Variants in IWS1 observed in about 807,000 individuals in gnomAD.
IWS1 encodes the protein interacts with SUPT6H, CTD assembly factor 1, also known as protein IWS1 homolog.
Under a neutral mutation model 86.7 loss-of-function variants are expected in IWS1, and 27 were observed. The ratio of observed to expected loss-of-function variants is 0.31; its 90% CI spans 0.23 to 0.43. The LOEUF (loss-of-function observed/expected upper bound fraction) is 0.43. Ranked by LOEUF, IWS1 falls within the 20% of genes least tolerant of loss-of-function variation. IWS1 has a pLI of 1.00. For missense variants in IWS1, 827 were observed against 1,000.8 expected, an observed-to-expected ratio of 0.83 and a Z score of 2.34; for synonymous variants, 313 against 335.1, an observed-to-expected ratio of 0.93 and a Z score of 0.72.
At chr2:127,520,226 T>C (rs1692017845) in intron 2 of IWS1, among the ~76,000 whole-genome samples, 1 of 152,160 alleles carries the variant, frequency 6.6e-6, no homozygotes, top group Non-Finnish European at 1.5e-5. Context: ...TGGAGTGCAG[T>C]GGTGTGATCT....
At chr2:127,520,335 A>ATTTTTTTTT (rs1692025104) in intron 2 of IWS1, among the ~76,000 whole-genome samples, 1 of 151,964 alleles carries the variant, frequency 6.6e-6, no homozygotes, top group African/African-American at 2.4e-5. Flanking sequence ...TGCCTGGCTA[A>ATTTTTTTTT]TTTTTGTATT....
At position 127,498,238 on chromosome 2, in the gene IWS1, C is replaced by G; in HGVS notation, c.1468-1G>C. ...CTTCCAGATCTTCTTGGTTAAAACC[C>G]TAAATGCAAAATTATCACAACCTCC... On this transcript the variant is annotated splice_acceptor_variant, in intron 5 of 13. Coordinates refer to ENST00000295321, the MANE Select transcript of IWS1 (RefSeq NM_017969.3). LOFTEE classifies it high-confidence loss of function. The G allele has an allele frequency of 6.2e-7, 1 of 1,602,830 alleles. No homozygotes were observed. The highest frequency in any genetic ancestry group is 8.5e-7 in the Non-Finnish European group (1 of 1,171,202).
intron 13 of IWS1, among the ~76,000 whole-genome samples, chr2:127,481,668 G>A (rs956261497): frequency 6.6e-6 from 1 of 152,156 alleles, no homozygotes; most frequent in African/African-American, 2.4e-5. Context: ...AAACCCCTAA[G>A]TGCAGGAGCT....
intron 2 of IWS1, 129 bp downstream of exon 2, chr2:127,523,547 A>C (rs1411076584): frequency 8.0e-5 from 49 of 613,502 alleles, no homozygotes; most frequent in Non-Finnish European, 1.4e-5. Context: ...TTTTCTATTA[A>C]CTTATGCTCC....
upstream of IWS1, chr2:127,526,531 C>T: frequency 6.8e-7 from 1 of 1,462,012 alleles, no homozygotes; most frequent in Admixed American, 2.1e-5. Flanking sequence ...GGCGCCGCAA[C>T]CCGTCAACCG....
intron 2 of IWS1, among the ~76,000 whole-genome samples, chr2:127,509,111 T>G: frequency 6.6e-6 from 1 of 152,204 alleles, no homozygotes; most frequent in Admixed American, 6.5e-5. Flanking sequence ...ACTAGTTTAA[T>G]AGACTCGAGC....
At chr2:127,498,067 C>CA in intron 6 of IWS1, 73 bp downstream of exon 6, 1 of 1,194,284 alleles carries the variant, frequency 8.4e-7, no homozygotes, top group Non-Finnish European at 1.2e-6. Flanking sequence ...AAATGAAAAA[C>CA]AAAAGAGAGT....
chr2:127,494,073 C>G (rs1690380027), intron 8 of IWS1, among the ~76,000 whole-genome samples: 1 of 149,004 alleles, frequency 6.7e-6, no homozygotes, highest in East Asian at 1.9e-4. Context: ...TGGCTTAGTT[C>G]AAAGAGAAAG....
chr2:127,484,624 T>TA (rs1287316347), intron 13 of IWS1: 2 of 152,230 alleles, frequency 1.3e-5, no homozygotes, highest in Non-Finnish European at 2.9e-5. Context: ...TAAGAGTTTT[T>TA]ATTACCTATT....
chr2:127,493,178 G>GT (rs1690322886), intron 9 of IWS1, 103 bp downstream of exon 9: 1 of 1,044,676 alleles, frequency 9.6e-7, no homozygotes, highest in Non-Finnish European at 1.3e-6. Context: ...CTGGCAGGCT[G>GT]TAGCAGAGAT....
rs1449359658 is a variant in IWS1, at chr2:127,526,397, G to A, written c.-189C>T. The A allele has an allele frequency of 3.3e-6, 5 of 1,536,170 alleles. No individual in the cohort carries two copies. Among genetic ancestry groups the A allele is most frequent in the Admixed American group, 2.0e-5 (1 of 50,980 alleles). ...AATTCTTTGACCTGGAAGCCCCGGC[G>A]GAAAAGGCCGTACCCGGCAGGCTGG... On this transcript the variant is annotated 5_prime_UTR_variant, in exon 1 of 14. Transcript: ENST00000295321.
In IWS1 at chr2:127,486,567, T is replaced by C; in HGVS notation, c.2314A>G (p.Met772Val). ...CGCTTGCTTACCCTGGATGACTCCA[T>C]TTCCACATTCCATTTGGGCCTGACA... ...YVVRPKWNVE[M>V]ESSRFQATSK... Residue 772 changes from methionine (M) to valine (V), a missense_variant, in exon 13 of 14, where the codon ATG becomes GTG. Physicochemically the swap from Met to Val is conservative, Grantham distance 21 (BLOSUM62 1). Around this residue, in one of 2 missense-constraint regions of IWS1, gnomAD observed 279 missense variants for 440.6 expected, o/e 0.63. Coordinates refer to ENST00000295321, the MANE Select transcript of IWS1 (RefSeq NM_017969.3). 6.2e-7 allele frequency: 1 copy of C among 1,613,592 alleles called. No individual in the cohort carries two copies. The highest frequency in any genetic ancestry group is 1.1e-5 in the South Asian group (1 of 91,086).
chr2:127,502,914 C>T, intron 4 of IWS1, 42 bp from the exon 5 acceptor site: 1 of 1,145,002 alleles, frequency 8.7e-7, no homozygotes. Context: ...TTGCTTTATC[C>T]TCATTTGCAT....
intron 1 of IWS1, among the ~76,000 whole-genome samples, chr2:127,524,123 C>T (rs1692258598): frequency 6.6e-6 from 1 of 152,160 alleles, no homozygotes. Flanking sequence ...TTCTAATATA[C>T]TACCTGAAGT....
At position 127,489,740 on chromosome 2, in the gene IWS1, A is replaced by G; in HGVS notation, c.2159+92T>C. 1.3e-6 allele frequency: 1 copy of G among 765,734 alleles called. No homozygotes were observed. The highest frequency in any genetic ancestry group is 2.4e-6 in the Non-Finnish European group (1 of 425,016). The allele number at this position is 765,734 out of a possible 1,614,324, so 47.4% of individuals were successfully genotyped here. On this transcript the variant is annotated intron_variant, in intron 11 of 13. Transcript: ENST00000295321. The surrounding 1 kb of genome is among the most constrained non-coding windows in gnomAD (Gnocchi z 4.8). ...TCAAGCTGAGAGGAAAGGAAATCCT[A>G]TCATCTTGCAGGCTTCCTAATGATC...
intron 5 of IWS1, among the ~76,000 whole-genome samples, chr2:127,501,334 AT>A (rs201079459): frequency 6.6e-6 from 1 of 151,474 alleles, no homozygotes; most frequent in Admixed American, 6.6e-5. Flanking sequence ...TTCTGAACGT[AT>A]TTTTTTTCCC....
At chr2:127,526,541 G>A, upstream of IWS1, 1 of 1,447,540 alleles carries the variant, frequency 6.9e-7, no homozygotes, top group Non-Finnish European at 9.2e-7. Flanking sequence ...CCCGTCAACC[G>A]GCCAATGAGA....
chr2:127,493,435 A>C (rs1690339033), intron 8 of IWS1, 25 bp from the exon 9 acceptor site: 3 of 1,579,354 alleles, frequency 1.9e-6, no homozygotes, highest in Non-Finnish European at 2.6e-6. Context: ...ATTTTTAAAA[A>C]TTCTGTGAAC....
At chr2:127,526,115 C>T (rs1469321326) in intron 1 of IWS1, 60 bp downstream of exon 1, 4 of 1,523,162 alleles carry the variant, frequency 2.6e-6, no homozygotes, top group African/African-American at 2.8e-5. Flanking sequence ...GGGTGCCAGG[C>T]CAAGCCCCGC....
Sources: gnomAD v4.1 joint callset for allele counts (sites outside exome capture counted in the v4.1 genomes callset) on GRCh38, gnomAD v4.1.1 for gene constraint, gnomAD v4.1.1 regional missense constraint, Gnocchi (gnomAD v3.1) non-coding constraint, MANE v1.5 for transcripts, NCBI Gene and HGNC (gene_info 2026-07-23, HGNC 2026-07-21) for gene names.